The following MFHAS1 variants were observed in gnomAD, a reference collection of about 807,000 sequenced individuals.
The protein encoded by MFHAS1 is malignant fibrous histiocytoma-amplified sequence 1.
Under a neutral mutation model 70.4 loss-of-function variants are expected in MFHAS1, and 50 were observed. The ratio of observed to expected loss-of-function variants is 0.71; its 90% CI spans 0.57 to 0.90. The LOEUF is 0.90. MFHAS1 is among the 40% of genes least tolerant of loss of function. The pLI, the probability that MFHAS1 is intolerant of heterozygous loss-of-function variation, is 0.00. For synonymous variants in MFHAS1, 952 were observed against 620.0 expected (o/e 1.54, Z -7.96); for missense variants, 1,795 against 1,347.6 (o/e 1.33, Z -5.20).
chr8:8,892,158 G>C lies in MFHAS1; in HGVS notation c.901C>G (p.Leu301Val), dbSNP rs781226106. The stretch of plus-strand genomic sequence containing the variant: ...GTGAGCTGGTTGCGACTAAGGTAGA[G>C]CTCCTCCAGACCAGCCAGGGGCAGC... ...ALLPLAGLEE[L>V]YLSRNQLTSV... The change falls in exon 1 of 3, where the codon CTC becomes GTC. Residue 301 changes from leucine to valine, a missense_variant. Leu to Val is a conservative substitution (Grantham distance 32, BLOSUM62 1). Transcript: ENST00000276282. The surrounding 1 kb of genome is among the most constrained non-coding windows in gnomAD (Gnocchi z 4.7). The C allele has an allele frequency of 6.2e-7, 1 of 1,611,144 alleles. No homozygotes were observed. The highest frequency in any genetic ancestry group is 8.5e-7 in the Non-Finnish European group (1 of 1,179,990).
intron 1 of MFHAS1, among the ~76,000 whole-genome samples, chr8:8,875,824 T>C (rs371298734): frequency 1.3e-4 from 20 of 152,278 alleles, no homozygotes; most frequent in African/African-American, 4.1e-4. Flanking sequence ...CGTGACCTCG[T>C]GATCCGCCCG....
At chr8:8,864,906 T>C (rs972645535) in intron 1 of MFHAS1, among the ~76,000 whole-genome samples, 1 of 152,170 alleles carries the variant, frequency 6.6e-6, no homozygotes. Context: ...GAGATTTCTT[T>C]TGGCTTTAGG....
intron 1 of MFHAS1, among the ~76,000 whole-genome samples, chr8:8,866,339 G>C (rs1356281303): frequency 7.5e-6 from 1 of 133,026 alleles, no homozygotes; most frequent in Non-Finnish European, 1.6e-5. Flanking sequence ...TTTCTTTTTT[G>C]AGACAGGGTC....
chr8:8,890,848 G>A lies in MFHAS1; in HGVS notation c.2211C>T (p.Leu737=), dbSNP rs1809984222. 1.2e-6 allele frequency: 2 copies of A among 1,614,100 alleles called. No individual in the cohort carries two copies. Among genetic ancestry groups the A allele is most frequent in the Non-Finnish European group, 1.7e-6 (2 of 1,180,052 alleles). ...AGGGATCCCTCTGGAAGAAGACATT[G>A]AGGATGTCGATGAGGCGGGTGAGGT... The part of the protein sequence containing the change: ...FHNLTRLIDI[L]NVFFQRDPSL... The change falls in exon 1 of 3, where the codon CTC becomes CTT. Residue 737 remains leucine (L), a synonymous_variant. Coordinates refer to ENST00000276282, the MANE Select transcript of MFHAS1 (RefSeq NM_004225.3).
chr8:8,818,178 T>G (rs1806817400), intron 1 of MFHAS1, among the ~76,000 whole-genome samples: 1 of 152,348 alleles, frequency 6.6e-6, no homozygotes, highest in African/African-American at 2.4e-5. Context: ...GGGCTGGCTC[T>G]TCTCCTTTAA....
chr8:8,830,945 T>C (rs562947117), intron 1 of MFHAS1, among the ~76,000 whole-genome samples: 44 of 152,312 alleles, frequency 2.9e-4, no homozygotes, highest in African/African-American at 9.4e-4. Flanking sequence ...TTGCTCTTTG[T>C]CTTAGTCTGC....
intron 1 of MFHAS1, among the ~76,000 whole-genome samples, chr8:8,838,703 C>T (rs1241579155): frequency 1.3e-5 from 2 of 151,784 alleles, no homozygotes; most frequent in Non-Finnish European, 2.9e-5. Flanking sequence ...ATTCCAGCTA[C>T]TCAGGAGGGT....
At chr8:8,884,760 G>C (rs1284270567) in intron 1 of MFHAS1, among the ~76,000 whole-genome samples, 3 of 152,120 alleles carry the variant, frequency 2.0e-5, no homozygotes, top group East Asian at 1.9e-4. Flanking sequence ...ACCAGCCTGA[G>C]CAACACAGCG....
At chr8:8,788,047 C>G (rs549104182) in intron 2 of MFHAS1, among the ~76,000 whole-genome samples, 31 of 152,310 alleles carry the variant, frequency 2.0e-4, no homozygotes, top group Non-Finnish European at 2.5e-4. Context: ...TGGAACTTTT[C>G]CTGATTCTTC....
chr8:8,787,707 T>C (rs1428188805), intron 2 of MFHAS1, among the ~76,000 whole-genome samples: 1 of 152,180 alleles, frequency 6.6e-6, no homozygotes. Context: ...GCAGCTAACT[T>C]TGGTGGTGTG....
chr8:8,804,852 G>A (rs564549575), intron 1 of MFHAS1, among the ~76,000 whole-genome samples: 27 of 152,346 alleles, frequency 1.8e-4, no homozygotes, highest in African/African-American at 5.5e-4. Context: ...TGCTCCACCT[G>A]GAGCCCATGA....
chr8:8,871,225 C>G (rs1052889007), intron 1 of MFHAS1, among the ~76,000 whole-genome samples: 16 of 152,144 alleles, frequency 1.1e-4, no homozygotes, highest in Admixed American at 2.6e-4. Context: ...GTAATCAGAG[C>G]TAATGTTTAC....
At chr8:8,882,582 A>G (rs1483767884) in intron 1 of MFHAS1, among the ~76,000 whole-genome samples, 6 of 152,112 alleles carry the variant, frequency 3.9e-5, no homozygotes, top group Non-Finnish European at 7.3e-5. Context: ...ATTGCACTCC[A>G]CCCTGGGCGA....
At chr8:8,812,311 T>C (rs1479174632) in intron 1 of MFHAS1, among the ~76,000 whole-genome samples, 3 of 152,112 alleles carry the variant, frequency 2.0e-5, no homozygotes, top group African/African-American at 7.2e-5. Context: ...CGTAAGATCT[T>C]AGCATCCCCC....
In MFHAS1 at chr8:8,893,292, G is replaced by T. The variant is rs1258187202; in HGVS notation, c.-234C>A. ...GAGAGCAGCTTGCATTCTCCCTGCGGCCGGGCCATGGGCGCGCCGGGCAGC... is the reference window on the plus strand; with the variant it reads ...GAGAGCAGCTTGCATTCTCCCTGCGTCCGGGCCATGGGCGCGCCGGGCAGC... On this transcript the variant is annotated 5_prime_UTR_variant, in exon 1 of 3. Coordinates refer to ENST00000276282, the MANE Select transcript of MFHAS1 (RefSeq NM_004225.3). 6.6e-6 allele frequency: 1 copy of T among 150,982 alleles called. No homozygotes were observed. The highest frequency in any genetic ancestry group is 2.5e-5 in the African/African-American group (1 of 40,802). 9.4% of individuals were successfully genotyped at this position (150,982 alleles called of 1,614,324 possible).
rs1220140917 is a variant in MFHAS1, at chr8:8,892,650, G to C, written c.409C>G (p.Leu137Val). 2 of 1,595,564 alleles carry C rather than the reference G, an allele frequency of 1.3e-6. No individual in the cohort carries two copies. The highest frequency in any genetic ancestry group is 1.8e-5 in the Admixed American group (1 of 56,966). The change falls in exon 1 of 3, where the codon CTG (leucine) becomes GTG (valine). Residue 137 changes from leucine to valine, a missense_variant. Transcript: ENST00000276282. This position sits in a 1 kb window ranked among gnomAD's most constrained non-coding sequence, Gnocchi z 4.7. ...TTGTGGCTGAGGTTGAGCTTCCGCA[G>C]CTCCCTCAGAGCACTCACCACCTCC... ...GAEVVSALRELRKLNLSHNQL... is the reference protein window; with the variant it reads ...GAEVVSALREVRKLNLSHNQL...
intron 2 of MFHAS1, among the ~76,000 whole-genome samples, 185 bp downstream of exon 2, chr8:8,797,180 G>C (rs1805934201): frequency 6.6e-6 from 1 of 150,744 alleles, no homozygotes; most frequent in Non-Finnish European, 1.5e-5. Flanking sequence ...ACAAAAAAGA[G>C]GAAATAAAAG....
intron 1 of MFHAS1, among the ~76,000 whole-genome samples, chr8:8,853,248 G>C (rs1025356292): frequency 1.3e-5 from 2 of 151,932 alleles, no homozygotes; most frequent in Non-Finnish European, 2.9e-5. Context: ...ACCCCATTTT[G>C]TCACAGTTTG....
chr8:8,829,189 G>A (rs149479655), intron 1 of MFHAS1, among the ~76,000 whole-genome samples: 1 of 151,864 alleles, frequency 6.6e-6, no homozygotes, highest in African/African-American at 2.4e-5. Flanking sequence ...CTCTGGGTGC[G>A]GAGCGCCCTC....
Sources: gnomAD v4.1 joint callset for allele counts (sites outside exome capture counted in the v4.1 genomes callset) on GRCh38, gnomAD v4.1.1 for gene constraint, Gnocchi (gnomAD v3.1) non-coding constraint, MANE v1.5 for transcripts, NCBI Gene and HGNC (gene_info 2026-07-23, HGNC 2026-07-21) for gene names.